DCLK1: variants seen among roughly 807,000 people sequenced by gnomAD.
The protein encoded by DCLK1 is doublecortin like kinase 1.
Under a neutral mutation model 86.2 loss-of-function variants are expected in DCLK1, and 16 were observed. That is an observed-to-expected ratio of 0.19 (90% CI 0.13 to 0.28). The LOEUF (loss-of-function observed/expected upper bound fraction) is 0.28, where lower values mean the gene tolerates loss of function less well. Among genes scored for constraint, DCLK1 ranks in the 10% least tolerant of loss-of-function variants. The pLI is 1.00. For missense variants in DCLK1, 590 were observed against 940.2 expected (o/e 0.63, Z 4.87); for synonymous variants, 369 against 370.5 (o/e 1.00, Z 0.05).
Position 35,770,136 on chromosome 13 carries a change from ACCT to A in DCLK1, c.*4396_*4398del, listed in dbSNP as rs915469280. 1.3e-5 allele frequency: 2 copies of A among 152,170 alleles called. No individual in the cohort carries two copies. Among genetic ancestry groups the A allele is most frequent in the South Asian group, 2.1e-4 (1 of 4,836 alleles). 9.4% of individuals were successfully genotyped at this position (152,170 alleles called of 1,614,324 possible). On this transcript the variant is annotated 3_prime_UTR_variant, in exon 17 of 17. Transcript: ENST00000360631. ...AAAAATAAAAGACTGGCTTAAAAGCACCTCCTCCTCTAGTGTGTAATTACATAC... is the reference window on the plus strand; with the variant it reads ...AAAAATAAAAGACTGGCTTAAAAGCACCTCCTCTAGTGTGTAATTACATAC...
At chr13:36,070,306 A>G (rs988288138) in intron 3 of DCLK1, among the ~76,000 whole-genome samples, 1 of 152,188 alleles carries the variant, frequency 6.6e-6, no homozygotes, top group Non-Finnish European at 1.5e-5. Context: ...GAGAATTACA[A>G]GCAACAAAGC....
At position 35,854,543 on chromosome 13, in the gene DCLK1, G is replaced by A; in HGVS notation, c.991C>T (p.Pro331Ser). 1 of 1,607,184 alleles carries A rather than the reference G, an allele frequency of 6.2e-7. No individual in the cohort carries two copies. Among genetic ancestry groups the A allele is most frequent in the Non-Finnish European group, 8.5e-7 (1 of 1,176,266 alleles). ...QLSTPRSGKSPSPSPTSPGSL... is the reference protein window; with the variant it reads ...QLSTPRSGKSSSPSPTSPGSL... Reference sequence around the variant, plus strand: ...CCTGGGCTGGTGGGTGATGGGCTTGGCGACTTGCCTGAGCGCGGAGTAGAG... The same window carrying A: ...CCTGGGCTGGTGGGTGATGGGCTTGACGACTTGCCTGAGCGCGGAGTAGAG... Residue 331 changes from proline to serine, a missense_variant, in exon 6 of 17, where the codon CCA (proline) becomes TCA (serine). By Grantham distance (74) the Pro-to-Ser change is moderately conservative. Transcript: ENST00000360631.
At chr13:36,086,536 T>C (rs1387617293) in intron 3 of DCLK1, among the ~76,000 whole-genome samples, 1 of 151,314 alleles carries the variant, frequency 6.6e-6, no homozygotes, top group Non-Finnish European at 1.5e-5. Context: ...ACATGTGCCA[T>C]GGTGGTTTGC....
chr13:36,056,905 A>AT lies in DCLK1; in HGVS notation c.723+54963_723+54964insA, dbSNP rs1426119911. Among the ~76,000 whole-genome samples the AT allele has an allele frequency of 1.5e-3, 214 of 138,188 alleles. 1 individual carries two copies. The highest frequency in any genetic ancestry group is 0.011 in the Middle Eastern group (3 of 264). 90.7% of individuals were successfully genotyped at this position (138,188 alleles called of 152,430 possible). A position where few individuals can be genotyped will look rare whatever the true frequency, so the allele number is the denominator to read the frequency against. ...AGCAAGACTGTGACAAAAAAAAAAAAAATATATATATATATATATATACAC... is the reference window on the plus strand; with the variant it reads ...AGCAAGACTGTGACAAAAAAAAAAAATAATATATATATATATATATATACAC... On this transcript the variant is annotated intron_variant, in intron 3 of 16. Transcript: ENST00000360631.
chr13:36,072,544 C>T (rs1455323487), intron 3 of DCLK1, among the ~76,000 whole-genome samples: 2 of 152,176 alleles, frequency 1.3e-5, no homozygotes, highest in African/African-American at 4.8e-5. Context: ...GCGTTGTAGC[C>T]AACTGCCTAT....
chr13:35,921,168 G>A (rs1875779207), intron 4 of DCLK1, among the ~76,000 whole-genome samples: 1 of 152,036 alleles, frequency 6.6e-6, no homozygotes, highest in South Asian at 2.1e-4. Flanking sequence ...TTATTCCCAG[G>A]ATATCCCAAA....
intron 5 of DCLK1, among the ~76,000 whole-genome samples, chr13:35,859,118 T>TA (rs370692521): frequency 2.0e-5 from 3 of 152,230 alleles, no homozygotes; most frequent in African/African-American, 7.2e-5. Flanking sequence ...AAATTCAACT[T>TA]AAAATGGCAT....
At chr13:35,998,155 A>T (rs1458085915) in intron 3 of DCLK1, among the ~76,000 whole-genome samples, 1 of 152,218 alleles carries the variant, frequency 6.6e-6, no homozygotes, top group Non-Finnish European at 1.5e-5. Context: ...AATAAAATTA[A>T]GAAGTATAAG....
chr13:35,859,851 T>C (rs1871283094), intron 5 of DCLK1, among the ~76,000 whole-genome samples: 1 of 152,230 alleles, frequency 6.6e-6, no homozygotes, highest in African/African-American at 2.4e-5. Flanking sequence ...ACAAATTCAT[T>C]GCCCTTTTAA....
chr13:35,890,249 G>T (rs180853641), intron 4 of DCLK1, among the ~76,000 whole-genome samples: 79 of 152,134 alleles, frequency 5.2e-4, no homozygotes, highest in African/African-American at 1.7e-3. Flanking sequence ...GTCCTAAAAG[G>T]TCAGAGAATA....
intron 3 of DCLK1, among the ~76,000 whole-genome samples, chr13:35,982,429 AGAGGGGGAGGGAGGGAGGGAGGGAGG>A (rs1879697345): frequency 9.3e-5 from 3 of 32,234 alleles, no homozygotes; most frequent in Non-Finnish European, 1.9e-4. Context: ...AGAGAGAGAG[AGAGGGGGAGGGAGGGAGGGAGGGAGG>A]GAGGGAGGGA....
intron 3 of DCLK1, among the ~76,000 whole-genome samples, chr13:35,947,659 A>G (rs1429012064): frequency 6.6e-6 from 1 of 152,218 alleles, no homozygotes; most frequent in African/African-American, 2.4e-5. Flanking sequence ...GCAGGAAAAC[A>G]GGATAAGGAA....
chr13:36,111,308 C>T (rs541835175), intron 3 of DCLK1, among the ~76,000 whole-genome samples: 2 of 152,260 alleles, frequency 1.3e-5, no homozygotes, highest in African/African-American at 4.8e-5. Context: ...AAAAACCTCC[C>T]TTTCATTTTA....
chr13:35,986,736 C>G (rs1879935973), intron 3 of DCLK1, among the ~76,000 whole-genome samples: 1 of 152,170 alleles, frequency 6.6e-6, no homozygotes, highest in Non-Finnish European at 1.5e-5. Context: ...AACACAGAAA[C>G]TGATGGGACC....
At chr13:36,000,974 G>A (rs1880687662) in intron 3 of DCLK1, among the ~76,000 whole-genome samples, 1 of 148,244 alleles carries the variant, frequency 6.7e-6, no homozygotes, top group Non-Finnish European at 1.5e-5. Flanking sequence ...TTGAGACAGA[G>A]TTTCACTTTT....
intron 3 of DCLK1, among the ~76,000 whole-genome samples, chr13:35,986,868 T>C (rs2153142832): frequency 6.6e-6 from 1 of 151,980 alleles, no homozygotes; most frequent in East Asian, 1.9e-4. Flanking sequence ...GCACAGAACA[T>C]GTGGTCAGGG....
chr13:35,987,323 G>T (rs1191432657), intron 3 of DCLK1, among the ~76,000 whole-genome samples: 2 of 152,188 alleles, frequency 1.3e-5, no homozygotes, highest in Admixed American at 1.3e-4. Flanking sequence ...TACTTAGGAG[G>T]CTGAGGCAGG....
At chr13:35,844,395 C>A (rs974383308) in intron 6 of DCLK1, among the ~76,000 whole-genome samples, 38 of 152,180 alleles carry the variant, frequency 2.5e-4, no homozygotes, top group African/African-American at 8.9e-4. Flanking sequence ...ACAACTAGAT[C>A]TGTACTGTTT....
chr13:35,937,064 G>C (rs866397081), intron 4 of DCLK1, among the ~76,000 whole-genome samples: 35 of 144,208 alleles, frequency 2.4e-4, no homozygotes, highest in South Asian at 8.9e-4. Context: ...CTGCCTCCCA[G>C]GTTCACGCCA....
Sources: allele counts gnomAD v4.1 joint callset (sites outside exome capture counted in the v4.1 genomes callset), GRCh38; gene constraint gnomAD v4.1.1; transcripts MANE v1.5; gene names NCBI Gene and HGNC (gene_info 2026-07-23, HGNC 2026-07-21).